PSMD8: variants seen among roughly 807,000 people sequenced by gnomAD.
The protein encoded by PSMD8 is proteasome 26S subunit, non-ATPase 8.
PSMD8 carries 30 observed loss-of-function variants against 40.0 expected under a neutral mutation model. The observed-to-expected ratio is 0.75, with a 90% confidence interval of 0.56 to 1.02. PSMD8 has a LOEUF of 1.02. PSMD8 is among the 50% of genes least tolerant of loss of function. The pLI is 0.00. For synonymous variants in PSMD8, 208 were observed against 192.5 expected (o/e 1.08, Z -0.67); for missense variants, 461 against 463.9 (o/e 0.99, Z 0.06).
intron 3 of PSMD8, among the ~76,000 whole-genome samples, chr19:38,376,699 G>T (rs748666637): frequency 2.6e-5 from 4 of 152,126 alleles, no homozygotes; most frequent in African/African-American, 7.2e-5. Flanking sequence ...CACCTTTCAC[G>T]TGTCCTGGCC....
Position 38,379,372 on chromosome 19 carries a change from T to A in PSMD8, c.669T>A (p.Asn223Lys), listed in dbSNP as rs368412719. ...ERLPAKDIQT[N>K]VYIKHPVSLE... is the part of the protein sequence containing the mutation. ...TGCCTGCCAAGGACATACAGACCAATGTCTACATCAAGCACCCAGTGTCCC... is the reference window on the plus strand; with the variant it reads ...TGCCTGCCAAGGACATACAGACCAAAGTCTACATCAAGCACCCAGTGTCCC... Residue 223 changes from asparagine to lysine, a missense_variant, in exon 4 of 7, where the codon AAT (asparagine) becomes AAA (lysine). Asn to Lys is a moderately conservative substitution (Grantham distance 94, BLOSUM62 0). This residue lies in a region of PSMD8 where 236 missense variants were observed against 321.2 expected (regional missense o/e 0.73). Transcript: ENST00000215071. 6 of 1,613,748 alleles carry A rather than the reference T, an allele frequency of 3.7e-6. No homozygotes were observed. Among genetic ancestry groups the A allele is most frequent in the Non-Finnish European group, 5.1e-6 (6 of 1,179,846 alleles).
In PSMD8 at chr19:38,376,368, C is replaced by T. The variant is rs765665417; in HGVS notation, c.450C>T (p.Ile150=). ...QLILARDILE[I]GAQWSILRKD... ...CACCCACAGGTGACATACTGGAGAT[C>T]GGGGCCCAATGGAGCATCCTACGCA... Residue 150 remains isoleucine (I), a synonymous_variant, in exon 3 of 7, where the codon ATC becomes ATT. Transcript: ENST00000215071. 4 of 1,552,368 alleles carry T rather than the reference C, an allele frequency of 2.6e-6. No homozygotes were observed. Among genetic ancestry groups the T allele is most frequent in the Admixed American group, 2.0e-5 (1 of 51,058 alleles).
intron 2 of PSMD8, 45 bp downstream of exon 2, chr19:38,376,277 TG>T: frequency 6.5e-7 from 1 of 1,546,010 alleles, no homozygotes; most frequent in Non-Finnish European, 8.8e-7. Flanking sequence ...CTGGGGGTCA[TG>T]GCAGGAATGG....
In PSMD8 at chr19:38,374,925, T is replaced by C; in HGVS notation, c.324T>C (p.Asn108=). 1 of 1,580,550 alleles carries C rather than the reference T, an allele frequency of 6.3e-7. No individual in the cohort carries two copies. The highest frequency in any genetic ancestry group is 8.5e-7 in the Non-Finnish European group (1 of 1,171,692). ...LKGEWNRKSP[N]LSKCGEELGR... is the part of the protein sequence containing the mutation. The stretch of plus-strand genomic sequence containing the variant: ...GCGAGTGGAACCGTAAAAGCCCCAA[T>C]CTTAGCAAGTGCGGGGAAGAGCTGG... The change falls in exon 1 of 7, where the codon AAT becomes AAC. Residue 108 remains asparagine (N), a synonymous_variant. Transcript: ENST00000215071.
rs1235077127 is a variant in PSMD8 at position 38,379,253 on chromosome 19, G to A, written c.550G>A (p.Glu184Lys). The change falls in exon 4 of 7, where the codon GAG becomes AAG. Residue 184 changes from glutamate (E) to lysine (K), a missense_variant. Glu to Lys is a moderately conservative substitution (Grantham distance 56). This residue lies in a region of PSMD8 where 236 missense variants were observed against 321.2 expected (regional missense o/e 0.73). Coordinates refer to ENST00000215071, the MANE Select transcript of PSMD8 (RefSeq NM_002812.5). ...YYFDYKEQLP[E>K]SAYMHQLLGL... ...CCACGTCCACAGGGAGCAGCTCCCC[G>A]AGTCAGCCTATATGCACCAGCTCTT... 2 of 1,613,492 alleles carry A rather than the reference G, an allele frequency of 1.2e-6. No individual in the cohort carries two copies. Among genetic ancestry groups the A allele is most frequent in the Non-Finnish European group, 8.5e-7 (1 of 1,179,872 alleles).
At chr19:38,379,625 TGTG>T (rs972115030) in intron 4 of PSMD8, among the ~76,000 whole-genome samples, 39 of 152,308 alleles carry the variant, frequency 2.6e-4, no homozygotes, top group Admixed American at 1.6e-3. Context: ...TTCATGATCT[TGTG>T]GTGATGACAC....
chr19:38,376,940 A>G (rs1182036079), intron 3 of PSMD8, among the ~76,000 whole-genome samples: 1 of 152,240 alleles, frequency 6.6e-6, no homozygotes, highest in Non-Finnish European at 1.5e-5. Context: ...TTCTAAAGGC[A>G]GAGCTTGGAA....
rs796407865 is a variant in PSMD8, at chr19:38,381,123, C to T, written c.803+124C>T. The T allele has an allele frequency of 1.3e-5, 9 of 710,980 alleles. No individual in the cohort carries two copies. The African/African-American group carries it at 1.6e-4, about 13-fold the overall frequency. The allele number at this position is 710,980 out of a possible 1,614,324, so 44.0% of individuals were successfully genotyped here. ...GTAGGCTAGGTGTGTTTCTTATCCT[C>T]CTAGCACCTCAGCTCTCCTTTTCAG... On this transcript the variant is annotated intron_variant, in intron 5 of 6. Coordinates refer to ENST00000215071, the MANE Select transcript of PSMD8 (RefSeq NM_002812.5).
At chr19:38,376,576 C>A in intron 3 of PSMD8, 122 bp downstream of exon 3, 1 of 870,174 alleles carries the variant, frequency 1.1e-6, no homozygotes. Flanking sequence ...TAGTTCTCTC[C>A]TCAGTGGTGC....
At chr19:38,375,948 G>A (rs1356109286) in intron 1 of PSMD8, among the ~76,000 whole-genome samples, 4 of 152,200 alleles carry the variant, frequency 2.6e-5, no homozygotes, top group Admixed American at 2.0e-4. Flanking sequence ...CCCCAGTGGG[G>A]CTATTAATAA....
chr19:38,375,223 G>T (rs1341841277), intron 1 of PSMD8: 1 of 539,148 alleles, frequency 1.9e-6, no homozygotes, highest in Non-Finnish European at 3.2e-6. Flanking sequence ...GGGGAGCGTC[G>T]CTTGAGCCCA....
chr19:38,375,071 A>C, intron 1 of PSMD8, 110 bp downstream of exon 1: 1 of 1,473,194 alleles, frequency 6.8e-7, no homozygotes, highest in Non-Finnish European at 9.0e-7. Flanking sequence ...TGCCAGCGAG[A>C]CTGAGGCGGG....
Position 38,382,210 on chromosome 19 carries a change from G to A in PSMD8, c.897G>A (p.Met299Ile). 6.3e-7 allele frequency: 1 copy of A among 1,593,068 alleles called. No homozygotes were observed. The highest frequency in any genetic ancestry group is 1.3e-5 in the African/African-American group (1 of 74,584). The change falls in exon 6 of 7, where the codon ATG becomes ATA. Residue 299 changes from methionine (M) to isoleucine (I), a missense_variant. This residue lies in a region of PSMD8 where 236 missense variants were observed against 321.2 expected (regional missense o/e 0.73). Transcript: ENST00000215071. Reference sequence around the variant, plus strand: ...TCTTCTTCAACACACCCAAAAAGATGACAGACTACGCCAAGAAGGTGGCTG... The same window carrying A: ...TCTTCTTCAACACACCCAAAAAGATAACAGACTACGCCAAGAAGGTGGCTG... Reference protein sequence around the residue: ...RILFFNTPKKMTDYAKKRGWV... With the variant: ...RILFFNTPKKITDYAKKRGWV...
At position 38,383,582 on chromosome 19, in the gene PSMD8, C is replaced by T. The variant is rs1970662279; in HGVS notation, c.*192C>T. The T allele has an allele frequency of 6.8e-6, 5 of 731,192 alleles. No homozygotes were observed. Among genetic ancestry groups the T allele is most frequent in the African/African-American group, 1.8e-5 (1 of 56,018 alleles). 45.3% of individuals were successfully genotyped at this position (731,192 alleles called of 1,614,324 possible). ...GGCATTCAGGAGTTGGAGATAGCCT[C>T]CAACTGGGTCAGCCTCTGTCTGGTG... On this transcript the variant is annotated 3_prime_UTR_variant, in exon 7 of 7. Coordinates refer to ENST00000215071, the MANE Select transcript of PSMD8 (RefSeq NM_002812.5).
At chr19:38,382,914 GAAAA>G (rs113895207) in intron 6 of PSMD8, 104 of 182,324 alleles carry the variant, frequency 5.7e-4, no homozygotes, top group Admixed American at 1.7e-3. Context: ...TCTGTCTGGG[GAAAA>G]AAAAAAAAAA....
Position 38,382,109 on chromosome 19 carries a change from T to C in PSMD8, c.804-8T>C, listed in dbSNP as rs1424869385. ...CTCAGTAATGAGGAGCTTCTCATCT[T>C]CCCCCAGGGATGAGATCGCTGGGTG... On this transcript the variant is annotated splice_region_variant and splice_polypyrimidine_tract_variant and intron_variant, in intron 5 of 6. Transcript: ENST00000215071. 1.3e-6 allele frequency: 2 copies of C among 1,551,930 alleles called. No individual in the cohort carries two copies. The highest frequency in any genetic ancestry group is 8.7e-7 in the Non-Finnish European group (1 of 1,145,320).
At chr19:38,374,986 C>T in intron 1 of PSMD8, 25 bp downstream of exon 1, 1 of 1,540,978 alleles carries the variant, frequency 6.5e-7, no homozygotes, top group Non-Finnish European at 8.7e-7. Context: ...CCCAGGAAAC[C>T]GAGTGTTGCG....
chr19:38,377,418 C>T (rs866235070), intron 3 of PSMD8, among the ~76,000 whole-genome samples: 2 of 152,164 alleles, frequency 1.3e-5, no homozygotes, highest in Middle Eastern at 6.8e-3. Context: ...TCTCGAACTC[C>T]TGGCCACAAG....
Position 38,379,377 on chromosome 19 carries a change from ACAT to A in PSMD8, c.677_679del (p.Ile226del). On this transcript the variant is annotated inframe_deletion, in exon 4 of 7. Transcript: ENST00000215071. ...GCCAAGGACATACAGACCAATGTCTACATCAAGCACCCAGTGTCCCTGGAGCAA... is the reference window on the plus strand; with the variant it reads ...GCCAAGGACATACAGACCAATGTCTACAAGCACCCAGTGTCCCTGGAGCAA... The A allele has an allele frequency of 6.2e-7, 1 of 1,614,010 alleles. No homozygotes were observed. The highest frequency in any genetic ancestry group is 8.5e-7 in the Non-Finnish European group (1 of 1,179,878).
Sources: gnomAD v4.1 joint callset for allele counts (sites outside exome capture counted in the v4.1 genomes callset) on GRCh38, gnomAD v4.1.1 for gene constraint, gnomAD v4.1.1 regional missense constraint, MANE v1.5 for transcripts, NCBI Gene and HGNC (gene_info 2026-07-23, HGNC 2026-07-21) for gene names.